The following SLC12A3 variants were observed in gnomAD, a reference collection of about 807,000 sequenced individuals.
SLC12A3 encodes Na-Cl cotransporter.
In SLC12A3, 104 loss-of-function variants were observed where a neutral mutation model predicts 121.0. That is an observed-to-expected ratio of 0.86 (90% CI 0.73 to 1.01). The LOEUF is 1.01. SLC12A3 is among the 50% of genes least tolerant of loss of function. The pLI is 0.00. For synonymous variants in SLC12A3, 536 were observed against 533.4 expected, an observed-to-expected ratio of 1.00 and a Z score of -0.07; for missense variants, 1,328 against 1,356.3, an observed-to-expected ratio of 0.98 and a Z score of 0.33.
At position 56,870,634 on chromosome 16, in the gene SLC12A3, G is replaced by A; in HGVS notation, c.750G>A (p.Gly250=). ...CCATTTTCCCTCCCCAGGAGTATGG[G>A]GCACCCATCGTGGACCCCATTAACG... ...ETVRDLLQEY[G]APIVDPINDI... Residue 250 remains glycine (G), a synonymous_variant, in exon 6 of 26, where the codon GGG becomes GGA. Coordinates refer to ENST00000563236, the MANE Select transcript of SLC12A3 (RefSeq NM_001126108.2). The A allele has an allele frequency of 1.2e-6, 2 of 1,608,214 alleles. No homozygotes were observed. The highest frequency in any genetic ancestry group is 1.7e-6 in the Non-Finnish European group (2 of 1,174,606).
At chr16:56,869,855 C>T (rs780425851) in intron 4 of SLC12A3, 31 bp downstream of exon 4, 6 of 1,581,494 alleles carry the variant, frequency 3.8e-6, no homozygotes, top group Admixed American at 3.3e-5. Context: ...CCAAGGCCCT[C>T]CTCTCGTGGG....
intron 22 of SLC12A3, among the ~76,000 whole-genome samples, chr16:56,897,467 C>T (rs1303957922): frequency 1.3e-5 from 2 of 152,214 alleles, no homozygotes; most frequent in Non-Finnish European, 1.5e-5. Context: ...CTCTATCACC[C>T]GCAGTGTGAG....
chr16:56,890,721 A>C (rs1033706208), intron 19 of SLC12A3, among the ~76,000 whole-genome samples: 1 of 152,128 alleles, frequency 6.6e-6, no homozygotes, highest in African/African-American at 2.4e-5. Flanking sequence ...CAACATGGTG[A>C]AACCCTGTTG....
rs543161188 is a variant in SLC12A3 at position 56,880,270 on chromosome 16, G to A, written c.1567+17G>A. On this transcript the variant is annotated intron_variant, in intron 12 of 25. Coordinates refer to ENST00000563236, the MANE Select transcript of SLC12A3 (RefSeq NM_001126108.2). Reference sequence around the variant, plus strand: ...TCATCATCGGTAAGGCTCTGCCAGGGCTCACAGGGCCTGGCCTCCTGTTCC... The same window carrying A: ...TCATCATCGGTAAGGCTCTGCCAGGACTCACAGGGCCTGGCCTCCTGTTCC... 2 of 1,567,730 alleles carry A rather than the reference G, an allele frequency of 1.3e-6. No homozygotes were observed. The highest frequency in any genetic ancestry group is 1.2e-5 in the South Asian group (1 of 85,500).
At position 56,886,406 on chromosome 16, in the gene SLC12A3, G is replaced by A. The variant is rs150378634; in HGVS notation, c.1968G>A (p.Pro656=). Residue 656 remains proline (P), a synonymous_variant, in exon 16 of 26, where the codon CCG becomes CCA. Transcript: ENST00000563236. ...LVLTGPPNFR[P]ALVDFVGTFT... ...TCACGGGGCCCCCCAACTTCCGCCC[G>A]GCCCTGGTGGACTTTGTGGGCACCT... is the stretch of plus-strand genomic sequence containing the variant. The A allele has an allele frequency of 1.2e-4, 190 of 1,613,946 alleles. No homozygotes were observed. The highest frequency in any genetic ancestry group is 6.7e-4 in the Admixed American group (40 of 60,006).
rs112130535 is a variant in SLC12A3, at chr16:56,869,240, G to A, written c.506-489G>A. The stretch of plus-strand genomic sequence containing the variant: ...GCTACTTTATTTTTTATTATTAAAC[G>A]AGGGTAGCTTCCCCTCCATACCTAA... On this transcript the variant is annotated intron_variant, in intron 3 of 25. Coordinates refer to ENST00000563236, the MANE Select transcript of SLC12A3 (RefSeq NM_001126108.2). Among the ~76,000 whole-genome samples the A allele has an allele frequency of 9.1e-3, 1,388 of 152,264 alleles. 25 individuals carry two copies. The highest frequency in any genetic ancestry group is 0.031 in the African/African-American group (1,274 of 41,530).
intron 1 of SLC12A3, 28 bp from the exon 2 acceptor site, chr16:56,867,042 G>A: frequency 6.2e-7 from 1 of 1,608,226 alleles, no homozygotes; most frequent in East Asian, 2.2e-5. Context: ...ACCCCTACCT[G>A]CCTGACTTGT....
chr16:56,870,218 G>A lies in SLC12A3; in HGVS notation c.724G>A (p.Val242Met), dbSNP rs144493396. The A allele has an allele frequency of 4.8e-5, 77 of 1,613,474 alleles. No individual in the cohort carries two copies. Among genetic ancestry groups the A allele is most frequent in the African/African-American group, 1.1e-4 (8 of 74,940 alleles). The change falls in exon 5 of 26, where the codon GTG (valine) becomes ATG (methionine). Residue 242 changes from valine to methionine, a missense_variant. Val to Met is a conservative substitution (Grantham distance 21, BLOSUM62 1). Coordinates refer to ENST00000563236, the MANE Select transcript of SLC12A3 (RefSeq NM_001126108.2). ...GCACACGGTGGGCTTTGCAGAGACC[G>A]TGCGGGACCTGCTCCAGGTGAGGCC... ...AMHTVGFAET[V>M]RDLLQEYGAP...
chr16:56,889,520 C>T (rs1295111668), intron 18 of SLC12A3, among the ~76,000 whole-genome samples: 3 of 152,050 alleles, frequency 2.0e-5, no homozygotes, highest in African/African-American at 4.8e-5. Context: ...TCTGTCGCCC[C>T]GGCTGGAGTG....
chr16:56,886,693 C>T lies in SLC12A3; in HGVS notation c.2037+218C>T, dbSNP rs1224533085. ...CAAGGGGCACCCAGCCAGGCACCCCCCATGGACCCCATTCTCTCCCCTTCC... is the reference window on the plus strand; with the variant it reads ...CAAGGGGCACCCAGCCAGGCACCCCTCATGGACCCCATTCTCTCCCCTTCC... On this transcript the variant is annotated intron_variant, in intron 16 of 25. Coordinates refer to ENST00000563236, the MANE Select transcript of SLC12A3 (RefSeq NM_001126108.2). Among the ~76,000 whole-genome samples the T allele has an allele frequency of 2.5e-4, 38 of 152,140 alleles. 1 individual carries two copies. Among genetic ancestry groups the T allele is most frequent in the Non-Finnish European group, 1.3e-4 (9 of 67,998 alleles).
intron 2 of SLC12A3, among the ~76,000 whole-genome samples, chr16:56,867,899 C>G (rs1964397637): frequency 6.6e-6 from 1 of 152,238 alleles, no homozygotes; most frequent in Non-Finnish European, 1.5e-5. Flanking sequence ...CTGATATCTG[C>G]TCTTACATGG....
At position 56,882,641 on chromosome 16, in the gene SLC12A3, T is replaced by G. The variant is rs572159050; in HGVS notation, c.1669+144T>G. 63 of 723,838 alleles carry G rather than the reference T, an allele frequency of 8.7e-5. No homozygotes were observed. In the African/African-American group the frequency reaches 8.7e-4, roughly 10 times the overall value. The allele number at this position is 723,838 out of a possible 1,614,324, so 44.8% of individuals were successfully genotyped here. Reference sequence around the variant, plus strand: ...TAAAACCATTGAAAGGGAACATTAATATAATAATAGCAGCTCTCGGCTGGG... The same window carrying G: ...TAAAACCATTGAAAGGGAACATTAAGATAATAATAGCAGCTCTCGGCTGGG... On this transcript the variant is annotated intron_variant, in intron 13 of 25. Transcript: ENST00000563236.
chr16:56,881,689 GT>G (rs2144717675), intron 12 of SLC12A3, among the ~76,000 whole-genome samples: 1 of 152,158 alleles, frequency 6.6e-6, no homozygotes, highest in African/African-American at 2.4e-5. Context: ...TCTTGGGTGG[GT>G]TACCACTGGG....
chr16:56,879,332 T>C (rs1172709122), intron 10 of SLC12A3, 105 bp downstream of exon 10: 2 of 1,474,992 alleles, frequency 1.4e-6, no homozygotes, highest in East Asian at 2.3e-5. Context: ...GTTTTGGGGG[T>C]TGAGGCCTAG....
intron 18 of SLC12A3, among the ~76,000 whole-genome samples, chr16:56,889,951 G>A (rs2055366630): frequency 6.6e-6 from 1 of 152,168 alleles, no homozygotes; most frequent in African/African-American, 2.4e-5. Context: ...TAGAATGGAG[G>A]GAATAATTAC....
intron 20 of SLC12A3, 67 bp downstream of exon 20, chr16:56,892,200 GT>G: frequency 2.6e-6 from 4 of 1,513,304 alleles, no homozygotes; most frequent in Non-Finnish European, 3.7e-6. Context: ...CTCTAGCCCT[GT>G]GGGGTGGCTA....
rs766016341 is a variant in SLC12A3 at position 56,870,255 on chromosome 16, C to T, written c.741+20C>T. 1.6e-5 allele frequency: 25 copies of T among 1,610,290 alleles called. No individual in the cohort carries two copies. The highest frequency in any genetic ancestry group is 1.3e-4 in the South Asian group (12 of 90,994). ...CTCCAGGTGAGGCCGGGGGGCTGGA[C>T]CCTGGGTAGAGGGATCCGGGCAGCC... On this transcript the variant is annotated intron_variant, in intron 5 of 25. Coordinates refer to ENST00000563236, the MANE Select transcript of SLC12A3 (RefSeq NM_001126108.2).
In SLC12A3 at chr16:56,867,084, C is replaced by T. The variant is rs753402173; in HGVS notation, c.297C>T (p.His99=). ...LHSFLKQEGR[H]LHALAFDSRP... ...TGGGCTGCCAGCAGGAAGGCAGACA[C>T]CTGCATGCCCTGGCCTTTGACAGCC... Residue 99 remains histidine, a synonymous_variant, in exon 2 of 26, where the codon CAC becomes CAT. Transcript: ENST00000563236. The T allele has an allele frequency of 1.2e-6, 2 of 1,613,430 alleles. No individual in the cohort carries two copies. The highest frequency in any genetic ancestry group is 2.2e-5 in the South Asian group (2 of 91,088).
intron 22 of SLC12A3, among the ~76,000 whole-genome samples, chr16:56,898,253 GGTTTTGTTTTGTTTT>G (rs71381143): frequency 5.3e-5 from 8 of 151,442 alleles, no homozygotes; most frequent in South Asian, 2.1e-4. Flanking sequence ...AGTTTGATTT[GGTTTTGTTTTGTTTT>G]GTTTTGTTTT....
Sources: gnomAD v4.1 joint callset for allele counts (sites outside exome capture counted in the v4.1 genomes callset) on GRCh38, gnomAD v4.1.1 for gene constraint, MANE v1.5 for transcripts, NCBI Gene and HGNC (gene_info 2026-07-23, HGNC 2026-07-21) for gene names.